RSPO2: variants seen among roughly 807,000 people sequenced by gnomAD.
RSPO2 encodes the protein R-spondin 2, also known as R-spondin-2.
RSPO2 carries 14 observed loss-of-function variants against 30.9 expected under a neutral mutation model. That is an observed-to-expected ratio of 0.45 (90% confidence interval 0.30 to 0.71). The LOEUF (loss-of-function observed/expected upper bound fraction) is 0.71. RSPO2 is among the 30% of genes least tolerant of loss of function. The probability of loss-of-function intolerance (pLI) is 0.08; values close to 1 mark genes in which losing one functional copy is unlikely to be tolerated. For synonymous variants in RSPO2, 107 were observed against 96.4 expected, an observed-to-expected ratio of 1.11 and a Z score of -0.64; for missense variants, 264 against 301.9, an observed-to-expected ratio of 0.87 and a Z score of 0.93.
intron 3 of RSPO2, among the ~76,000 whole-genome samples, chr8:107,973,529 C>T (rs200356078): frequency 7.5e-5 from 2 of 26,676 alleles, no homozygotes; most frequent in Admixed American, 5.3e-4. Flanking sequence ...CACAGACACA[C>T]ACTCACACAC....
In RSPO2 at chr8:107,901,213, A is replaced by T. The variant is rs982209200; in HGVS notation, c.617-23T>A. ...TCCCTGCAATGAAGGAAAGAAAAGA[A>T]GAGATGTCAGAAATGGCTCTTTCTC... On this transcript the variant is annotated intron_variant, in intron 5 of 5. Transcript: ENST00000276659. The T allele has an allele frequency of 3.8e-6, 6 of 1,594,892 alleles. No individual in the cohort carries two copies. In the African/African-American group the frequency reaches 4.1e-5, roughly 11 times the overall value.
chr8:108,041,404 G>A (rs1811755167), intron 2 of RSPO2, among the ~76,000 whole-genome samples: 1 of 152,004 alleles, frequency 6.6e-6, no homozygotes, highest in Non-Finnish European at 1.5e-5. Context: ...TGGGGAATGA[G>A]AGAAGATACA....
intron 2 of RSPO2, among the ~76,000 whole-genome samples, chr8:108,064,418 A>G (rs1812587598): frequency 6.6e-6 from 1 of 152,260 alleles, no homozygotes; most frequent in South Asian, 2.1e-4. Flanking sequence ...AGGCACATGA[A>G]AAAATGGTCA....
intron 2 of RSPO2, among the ~76,000 whole-genome samples, chr8:108,056,776 C>T (rs1812261745): frequency 6.6e-6 from 1 of 151,044 alleles, no homozygotes; most frequent in African/African-American, 2.4e-5. Flanking sequence ...AAGATGTGGG[C>T]CAGGCATGGT....
intron 5 of RSPO2, among the ~76,000 whole-genome samples, chr8:107,902,993 C>G (rs2130242931): frequency 6.6e-6 from 1 of 152,130 alleles, no homozygotes; most frequent in East Asian, 1.9e-4. Flanking sequence ...ATCAAAGCAG[C>G]TGTAAAGTTA....
intron 2 of RSPO2, among the ~76,000 whole-genome samples, chr8:108,069,635 CT>C (rs1288163299): frequency 5.3e-5 from 8 of 152,056 alleles, no homozygotes; most frequent in Non-Finnish European, 1.2e-4. Context: ...CCTAAATGTC[CT>C]GTTCAACTTC....
intron 1 of RSPO2, 33 bp from the exon 2 acceptor site, chr8:108,082,840 G>A: frequency 1.8e-6 from 1 of 544,026 alleles, no homozygotes; most frequent in South Asian, 2.6e-5. Context: ...AGGGTGTGTG[G>A]GGGATGGAGA....
chr8:107,990,276 A>G (rs1445176802), intron 2 of RSPO2, among the ~76,000 whole-genome samples: 1 of 152,210 alleles, frequency 6.6e-6, no homozygotes, highest in Non-Finnish European at 1.5e-5. Flanking sequence ...GTTCCAATAC[A>G]TGATTAGTAG....
At chr8:107,992,346 C>T (rs1563554078) in intron 2 of RSPO2, among the ~76,000 whole-genome samples, 1 of 152,062 alleles carries the variant, frequency 6.6e-6, no homozygotes, top group Non-Finnish European at 1.5e-5. Context: ...TAAGTGGGAG[C>T]TTAATGATGA....
intron 2 of RSPO2, among the ~76,000 whole-genome samples, chr8:108,005,837 C>T (rs1815435581): frequency 6.6e-6 from 1 of 152,116 alleles, no homozygotes; most frequent in Non-Finnish European, 1.5e-5. Context: ...CAAGGTACAG[C>T]ATGTACATAA....
At chr8:108,056,623 CAAAAAAAAA>C (rs56256415) in intron 2 of RSPO2, among the ~76,000 whole-genome samples, 3 of 71,842 alleles carry the variant, frequency 4.2e-5, no homozygotes, top group Admixed American at 1.8e-4. Flanking sequence ...AGACCCGTCT[CAAAAAAAAA>C]AAAAAAAAAA....
In RSPO2 at chr8:107,915,518, GA is replaced by G. The variant is rs1811951092; in HGVS notation, c.617-14329del. Among the ~76,000 whole-genome samples the G allele has an allele frequency of 3.9e-5, 6 of 152,266 alleles. No individual in the cohort carries two copies. The South Asian group carries it at 1.0e-3, about 26-fold the overall frequency. On this transcript the variant is annotated intron_variant, in intron 5 of 5. Coordinates refer to ENST00000276659, the MANE Select transcript of RSPO2 (RefSeq NM_178565.5). The stretch of plus-strand genomic sequence containing the variant: ...AGGGAGATTTCTCAGATGGAGAATA[GA>G]AGGATAGTTTGGAAGGTATACTCTT...
intron 5 of RSPO2, among the ~76,000 whole-genome samples, chr8:107,927,963 T>G (rs1424320158): frequency 6.6e-6 from 1 of 152,124 alleles, no homozygotes; most frequent in Non-Finnish European, 1.5e-5. Flanking sequence ...AACTAGCAAA[T>G]TCTAAAATTC....
intron 5 of RSPO2, among the ~76,000 whole-genome samples, chr8:107,913,410 T>C (rs976346436): frequency 6.6e-6 from 1 of 152,168 alleles, no homozygotes; most frequent in Non-Finnish European, 1.5e-5. Flanking sequence ...GGATAACCAA[T>C]GGTATATTTT....
intron 3 of RSPO2, among the ~76,000 whole-genome samples, chr8:107,979,024 G>A (rs1814325797): frequency 6.6e-6 from 1 of 152,130 alleles, no homozygotes; most frequent in South Asian, 2.1e-4. Context: ...TAAAAAGTCA[G>A]GAAACAACAG....
In RSPO2 at chr8:107,909,821, TA is replaced by T. The variant is rs1367890223; in HGVS notation, c.617-8632del. ...TTACATTTTAGCAAGATGCAGGCTATAAAGTTTCCTAAGTAAGGTGAGATGG... is the reference window on the plus strand; with the variant it reads ...TTACATTTTAGCAAGATGCAGGCTATAAGTTTCCTAAGTAAGGTGAGATGG... On this transcript the variant is annotated intron_variant, in intron 5 of 5. Coordinates refer to ENST00000276659, the MANE Select transcript of RSPO2 (RefSeq NM_178565.5). Among the ~76,000 whole-genome samples, 20 of 152,352 alleles carry T rather than the reference TA, an allele frequency of 1.3e-4. No individual in the cohort carries two copies. The South Asian group carries it at 3.9e-3, about 30-fold the overall frequency.
In RSPO2 at chr8:108,036,493, G is replaced by A. The variant is rs563100653; in HGVS notation, c.94+46052C>T. Among the ~76,000 whole-genome samples the A allele has an allele frequency of 1.3e-4, 20 of 152,294 alleles. No homozygotes were observed. In the South Asian group the frequency reaches 3.7e-3, roughly 28 times the overall value. On this transcript the variant is annotated intron_variant, in intron 2 of 5. Coordinates refer to ENST00000276659, the MANE Select transcript of RSPO2 (RefSeq NM_178565.5). Reference sequence around the variant, plus strand: ...CTGTCATTCAGGCAAGGAAGCCTGTGGCACATCATAAAGACCTGTGTGATG... The same window carrying A: ...CTGTCATTCAGGCAAGGAAGCCTGTAGCACATCATAAAGACCTGTGTGATG...
chr8:107,938,743 A>G (rs1402876768), intron 5 of RSPO2, among the ~76,000 whole-genome samples: 1 of 152,186 alleles, frequency 6.6e-6, no homozygotes, highest in Non-Finnish European at 1.5e-5. Context: ...AAACACAACA[A>G]AAGCTCATGT....
chr8:108,031,372 T>A (rs1811417065), intron 2 of RSPO2, among the ~76,000 whole-genome samples: 1 of 152,252 alleles, frequency 6.6e-6, no homozygotes, highest in Admixed American at 6.5e-5. Flanking sequence ...GTAGTGTAAC[T>A]AAATGGCCTT....
Sources: gnomAD v4.1 joint callset for allele counts (sites outside exome capture counted in the v4.1 genomes callset) on GRCh38, gnomAD v4.1.1 for gene constraint, MANE v1.5 for transcripts, NCBI Gene and HGNC (gene_info 2026-07-23, HGNC 2026-07-21) for gene names.